MAP3K13: variants seen among roughly 807,000 people sequenced by gnomAD.
MAP3K13 encodes mitogen-activated protein kinase kinase kinase 13.
MAP3K13 carries 52 observed loss-of-function variants against 104.0 expected under a neutral mutation model. That is an observed-to-expected ratio of 0.50 (90% CI 0.40 to 0.63). The LOEUF (loss-of-function observed/expected upper bound fraction) is 0.63. MAP3K13 is among the 20% of genes least tolerant of loss of function. MAP3K13 has a pLI of 0.00. For missense variants in MAP3K13, 914 were observed against 1,218.5 expected (o/e 0.75, Z 3.72); for synonymous variants, 394 against 442.2 (o/e 0.89, Z 1.37).
intron 2 of MAP3K13, among the ~76,000 whole-genome samples, chr3:185,300,802 T>C (rs1466668955): frequency 6.6e-6 from 1 of 152,216 alleles, no homozygotes; most frequent in African/African-American, 2.4e-5. Flanking sequence ...TACCTTCTTT[T>C]TTAAGGCTGA....
At chr3:185,287,758 G>C (rs1720576596) in intron 2 of MAP3K13, among the ~76,000 whole-genome samples, 1 of 152,134 alleles carries the variant, frequency 6.6e-6, no homozygotes, top group Admixed American at 6.5e-5. Flanking sequence ...TAGAATAAAA[G>C]AAGTTATAGG....
At chr3:185,335,268 G>T (rs1420442901) in intron 2 of MAP3K13, among the ~76,000 whole-genome samples, 1 of 152,134 alleles carries the variant, frequency 6.6e-6, no homozygotes, top group Admixed American at 6.6e-5. Context: ...GAGAAGTGTT[G>T]CTTTGATTCT....
chr3:185,351,360 A>T (rs1189324204), intron 2 of MAP3K13, among the ~76,000 whole-genome samples: 2 of 152,338 alleles, frequency 1.3e-5, no homozygotes, highest in Non-Finnish European at 2.9e-5. Context: ...AAAGTTTTTT[A>T]AAATGTGATT....
At chr3:185,304,608 C>T (rs1211448582) in intron 2 of MAP3K13, among the ~76,000 whole-genome samples, 1 of 151,830 alleles carries the variant, frequency 6.6e-6, no homozygotes, top group Non-Finnish European at 1.5e-5. Flanking sequence ...TTTCAAGTCT[C>T]TTTTATCTGA....
intron 3 of MAP3K13, among the ~76,000 whole-genome samples, chr3:185,438,026 C>G (rs1715136919): frequency 6.6e-6 from 1 of 152,146 alleles, no homozygotes; most frequent in South Asian, 2.1e-4. Context: ...GGCGCAGTGG[C>G]TCATGTCTGT....
At chr3:185,343,296 C>G (rs999939880) in intron 2 of MAP3K13, among the ~76,000 whole-genome samples, 1 of 152,154 alleles carries the variant, frequency 6.6e-6, no homozygotes, top group African/African-American at 2.4e-5. Context: ...AAGAGTTTGT[C>G]TGCCATAATG....
At chr3:185,350,077 C>G (rs1723081210) in intron 2 of MAP3K13, among the ~76,000 whole-genome samples, 1 of 152,196 alleles carries the variant, frequency 6.6e-6, no homozygotes, top group Non-Finnish European at 1.5e-5. Flanking sequence ...TTTCCAGACC[C>G]TAGCATGTTT....
intron 2 of MAP3K13, among the ~76,000 whole-genome samples, chr3:185,431,995 A>C (rs142604999): frequency 1.4e-3 from 212 of 152,148 alleles, no homozygotes; most frequent in Middle Eastern, 3.4e-3. Flanking sequence ...GACACGCTAC[A>C]CATTCTGCTT....
At chr3:185,467,040 G>A (rs575849742) in intron 10 of MAP3K13, 77 bp downstream of exon 10, 23 of 1,532,170 alleles carry the variant, frequency 1.5e-5, no homozygotes, top group Middle Eastern at 1.7e-4. Flanking sequence ...ACATGATGGC[G>A]GATGTGGCCT....
intron 2 of MAP3K13, among the ~76,000 whole-genome samples, chr3:185,337,267 A>G (rs1029942534): frequency 7.2e-5 from 11 of 152,202 alleles, no homozygotes; most frequent in Non-Finnish European, 1.3e-4. Context: ...TAGCAAAATG[A>G]TGTGATGAAT....
chr3:185,468,317 CAT>C (rs1175937063), intron 10 of MAP3K13, among the ~76,000 whole-genome samples: 1 of 152,164 alleles, frequency 6.6e-6, no homozygotes, highest in African/African-American at 2.4e-5. Flanking sequence ...ACATGTATAA[CAT>C]GTGAAATCAT....
At chr3:185,378,002 G>T (rs1443806024) in intron 1 of MAP3K13, among the ~76,000 whole-genome samples, 1 of 147,952 alleles carries the variant, frequency 6.8e-6, no homozygotes, top group Non-Finnish European at 1.5e-5. Context: ...GCAAGCTCCT[G>T]GGGTGGGGGG....
At chr3:185,446,858 C>T (rs1053746744) in intron 4 of MAP3K13, among the ~76,000 whole-genome samples, 5 of 152,146 alleles carry the variant, frequency 3.3e-5, no homozygotes, top group African/African-American at 1.2e-4. Flanking sequence ...TTATTGATAA[C>T]GGTGCCTTAT....
At chr3:185,283,912 T>TTTG (rs1553783623) in intron 1 of MAP3K13, among the ~76,000 whole-genome samples, 4 of 148,226 alleles carry the variant, frequency 2.7e-5, no homozygotes, top group African/African-American at 9.9e-5. Context: ...TTTTTTTTTT[T>TTTG]TTTTTCTGAG....
chr3:185,344,115 A>G (rs1272497837), intron 2 of MAP3K13, among the ~76,000 whole-genome samples: 2 of 152,200 alleles, frequency 1.3e-5, no homozygotes, highest in Non-Finnish European at 2.9e-5. Flanking sequence ...ATGCTACCCA[A>G]TTTTGCATAT....
At chr3:185,384,944 AAT>A (rs1711593273) in intron 1 of MAP3K13, among the ~76,000 whole-genome samples, 2 of 152,164 alleles carry the variant, frequency 1.3e-5, no homozygotes, top group South Asian at 4.2e-4. Context: ...GAAGTTTTTA[AAT>A]TCAGTGTAGT....
At chr3:185,347,022 C>T (rs1262497809) in intron 2 of MAP3K13, among the ~76,000 whole-genome samples, 1 of 146,112 alleles carries the variant, frequency 6.8e-6, no homozygotes, top group African/African-American at 2.6e-5. Context: ...GAGTCTCACT[C>T]CATCACCAGG....
intron 2 of MAP3K13, among the ~76,000 whole-genome samples, chr3:185,331,265 G>C (rs866356035): frequency 2.0e-5 from 3 of 151,674 alleles, no homozygotes; most frequent in African/African-American, 7.3e-5. Flanking sequence ...AGCTAATTTT[G>C]TATTTTTAGT....
chr3:185,323,923 G>A (rs1721955856), intron 2 of MAP3K13, among the ~76,000 whole-genome samples: 1 of 152,180 alleles, frequency 6.6e-6, no homozygotes, highest in Non-Finnish European at 1.5e-5. Flanking sequence ...TTTGTTAGGT[G>A]AAAATATAGG....
Sources: allele counts gnomAD v4.1 joint callset (sites outside exome capture counted in the v4.1 genomes callset), GRCh38; gene constraint gnomAD v4.1.1; transcripts MANE v1.5; gene names NCBI Gene and HGNC (gene_info 2026-07-23, HGNC 2026-07-21).